PRP4K: variants seen among roughly 807,000 people sequenced by gnomAD.
PRP4K encodes pre-mRNA processing factor kinase PRP4K, also known as serine/threonine-protein kinase PRP4 homolog.
the PRP4K span, among the ~76,000 whole-genome samples, chr6:4,057,880 G>A: frequency 2.0e-5 from 3 of 150,200 alleles, no homozygotes; most frequent in Admixed American, 2.0e-4. Flanking sequence ...TCAGCCTCCC[G>A]AGTAGCTATA....
At chr6:4,053,829 G>A in the PRP4K span, among the ~76,000 whole-genome samples, 2 of 152,152 alleles carry the variant, frequency 1.3e-5, no homozygotes, top group African/African-American at 4.8e-5. Context: ...TAAAAGCTAA[G>A]CGTGTAAGGT....
chr6:4,061,411 A>G, the PRP4K span: 1 of 152,646 alleles, frequency 6.6e-6, no homozygotes, highest in Admixed American at 6.5e-5. Context: ...TCAACTTGCT[A>G]TAGACTTTAT....
the PRP4K span, among the ~76,000 whole-genome samples, chr6:4,024,621 T>C: frequency 6.6e-6 from 1 of 152,038 alleles, no homozygotes; most frequent in Non-Finnish European, 1.5e-5. Context: ...TATTTTATTT[T>C]TTTGAGACCG....
the PRP4K span, chr6:4,044,009 T>C: frequency 1.9e-6 from 3 of 1,614,014 alleles, no homozygotes; most frequent in South Asian, 1.1e-5. Context: ...CTAATGACAG[T>C]TGAACAGAAT....
chr6:4,062,756 A>C, the PRP4K span: 1 of 152,606 alleles, frequency 6.6e-6, no homozygotes, highest in African/African-American at 2.4e-5. This position sits in a 1 kb window ranked among gnomAD's most constrained non-coding sequence, Gnocchi z 4.2. Flanking sequence ...TAAAATAAAT[A>C]CAAGGTGATT....
chr6:4,061,866 A>G, the PRP4K span: 1 of 152,632 alleles, frequency 6.6e-6, no homozygotes, highest in African/African-American at 2.4e-5. Context: ...GTATGTTCTC[A>G]GTATGCATCA....
the PRP4K span, among the ~76,000 whole-genome samples, chr6:4,025,396 A>G: frequency 1.3e-5 from 2 of 152,190 alleles, no homozygotes; most frequent in Non-Finnish European, 2.9e-5. Flanking sequence ...CAATGTTTCA[A>G]GTTTTCCAGA....
chr6:4,063,555 C>T, the PRP4K span: 1 of 152,090 alleles, frequency 6.6e-6, no homozygotes. Flanking sequence ...GTAGAAACCT[C>T]GTTATTAACC....
At chr6:4,061,431 G>A in the PRP4K span, 1 of 152,490 alleles carries the variant, frequency 6.6e-6, no homozygotes, top group Non-Finnish European at 1.5e-5. Flanking sequence ...TATACATTTT[G>A]TTAAATATAG....
the PRP4K span, among the ~76,000 whole-genome samples, chr6:4,023,967 A>G: frequency 4.6e-5 from 7 of 151,898 alleles, no homozygotes; most frequent in African/African-American, 9.7e-5. Flanking sequence ...CCCTGGTTCA[A>G]GCAGTTCTCC....
the PRP4K span, among the ~76,000 whole-genome samples, chr6:4,025,286 A>T: frequency 6.6e-6 from 1 of 152,254 alleles, no homozygotes; most frequent in Non-Finnish European, 1.5e-5. Flanking sequence ...TCTTAACAAG[A>T]AACCTTTTTC....
chr6:4,030,380 TAATATGAAG>T, the PRP4K span, among the ~76,000 whole-genome samples: 2 of 152,180 alleles, frequency 1.3e-5, no homozygotes, highest in Non-Finnish European at 2.9e-5. Context: ...TAGGAGTATA[TAATATGAAG>T]ACCTGACAAA....
At chr6:4,040,701 G>A in the PRP4K span, 1 of 1,453,528 alleles carries the variant, frequency 6.9e-7, no homozygotes, top group African/African-American at 1.4e-5. Flanking sequence ...TATCCCCTGT[G>A]CCCACACATG....
At chr6:4,051,411 G>T in the PRP4K span, among the ~76,000 whole-genome samples, 10 of 151,860 alleles carry the variant, frequency 6.6e-5, no homozygotes, top group Non-Finnish European at 7.4e-5. Flanking sequence ...CCGTCTCCCG[G>T]GTTCAAGCCA....
the PRP4K span, chr6:4,040,932 G>C: frequency 3.1e-6 from 5 of 1,606,544 alleles, no homozygotes; most frequent in Non-Finnish European, 4.2e-6. Context: ...TGATAAGTAA[G>C]AATAGAACTT....
At chr6:4,030,099 C>CAT in the PRP4K span, among the ~76,000 whole-genome samples, 1 of 152,116 alleles carries the variant, frequency 6.6e-6, no homozygotes, top group Non-Finnish European at 1.5e-5. Flanking sequence ...TGTGCCGCTA[C>CAT]ATCTGGCTAA....
At chr6:4,043,701 T>TA in the PRP4K span, 1 of 964,420 alleles carries the variant, frequency 1.0e-6, no homozygotes, top group East Asian at 2.6e-5. Flanking sequence ...TTTGGTTTGT[T>TA]ACATTATTTG....
At chr6:4,031,610 A>G in the PRP4K span, 14 of 1,587,902 alleles carry the variant, frequency 8.8e-6, no homozygotes, top group Non-Finnish European at 1.1e-5. Flanking sequence ...ATGGAGAAGT[A>G]TCAGAAGACC....
the PRP4K span, chr6:4,058,967 T>C: frequency 3.6e-6 from 2 of 551,700 alleles, no homozygotes; most frequent in South Asian, 5.7e-5. Context: ...CATCAGACCA[T>C]GGAAAAGATG....
Sources: allele counts gnomAD v4.1 joint callset (sites outside exome capture counted in the v4.1 genomes callset), GRCh38; gene constraint gnomAD v4.1.1; non-coding constraint Gnocchi (gnomAD v3.1); transcripts MANE v1.5; gene names NCBI Gene and HGNC (gene_info 2026-07-23, HGNC 2026-07-21).